Variants in SPAST observed in about 807,000 individuals in gnomAD.
The protein encoded by SPAST is spastin.
In SPAST, 30 loss-of-function variants were observed where a neutral mutation model predicts 76.6. The ratio of observed to expected loss-of-function variants is 0.39; its 90% CI spans 0.29 to 0.53. The LOEUF is 0.53. SPAST is among the 20% of genes least tolerant of loss of function. The pLI, the probability that SPAST is intolerant of heterozygous loss-of-function variation, is 0.68. For synonymous variants in SPAST, 305 were observed against 281.0 expected (o/e 1.09, Z -0.86); for missense variants, 717 against 770.5 (o/e 0.93, Z 0.82).
intron 3 of SPAST, among the ~76,000 whole-genome samples, chr2:32,096,630 C>G (rs1677925830): frequency 6.6e-6 from 1 of 152,006 alleles, no homozygotes; most frequent in African/African-American, 2.4e-5. Flanking sequence ...AATCCTATAG[C>G]TTTTTATTCC....
At chr2:32,132,812 A>G (rs1679414512) in intron 9 of SPAST, among the ~76,000 whole-genome samples, 1 of 152,174 alleles carries the variant, frequency 6.6e-6, no homozygotes, top group Admixed American at 6.5e-5. Flanking sequence ...CAGCCTGATT[A>G]ACATGGAGAA....
intron 1 of SPAST, among the ~76,000 whole-genome samples, 159 bp downstream of exon 1, chr2:32,064,405 A>G (rs1558606514): frequency 6.6e-6 from 1 of 152,142 alleles, no homozygotes; most frequent in Non-Finnish European, 1.5e-5. Flanking sequence ...TCGGAGCCTC[A>G]TCTTCTAGTA....
At chr2:32,116,897 GC>G (rs1316806412) in intron 7 of SPAST, among the ~76,000 whole-genome samples, 1 of 152,116 alleles carries the variant, frequency 6.6e-6, no homozygotes, top group Non-Finnish European at 1.5e-5. Context: ...GAACCAGGAG[GC>G]AGAGGTTGCA....
chr2:32,154,315 C>T (rs1201838662), intron 16 of SPAST, 59 bp from the exon 17 acceptor site: 34 of 1,470,340 alleles, frequency 2.3e-5, no homozygotes, highest in East Asian at 4.5e-5. Flanking sequence ...TCCATCATTT[C>T]GTTAACCACC....
chr2:32,152,439 G>A lies in SPAST; in HGVS notation c.1729-1935G>A, dbSNP rs556323336. On this transcript the variant is annotated intron_variant, in intron 16 of 16. Transcript: ENST00000315285. Reference sequence around the variant, plus strand: ...CAAAAAGTTAGCTGGGCGTGGTGGCGCACACCTATAGTCCTAGCTACTTGG... The same window carrying A: ...CAAAAAGTTAGCTGGGCGTGGTGGCACACACCTATAGTCCTAGCTACTTGG... Among the ~76,000 whole-genome samples the A allele has an allele frequency of 3.9e-5, 6 of 152,048 alleles. 1 individual carries two copies. The South Asian group carries it at 1.0e-3, about 26-fold the overall frequency.
chr2:32,136,033 G>A (rs1289013187), intron 9 of SPAST, among the ~76,000 whole-genome samples: 6 of 149,256 alleles, frequency 4.0e-5, no homozygotes, highest in Non-Finnish European at 8.9e-5. Flanking sequence ...AGCCGAGATT[G>A]CACCACTGCA....
At position 32,147,262 on chromosome 2, in the gene SPAST, T is replaced by C. The variant is rs1240584183; in HGVS notation, c.1728+4T>C. 7 of 1,593,130 alleles carry C rather than the reference T, an allele frequency of 4.4e-6. No homozygotes were observed. The highest frequency in any genetic ancestry group is 3.3e-5 in the Admixed American group (2 of 59,944). Reference sequence around the variant, plus strand: ...GAAGAATATGTCTGCCAGTGAGGTATAGTATTTTACAATGATATTTTCTTT... The same window carrying C: ...GAAGAATATGTCTGCCAGTGAGGTACAGTATTTTACAATGATATTTTCTTT... On this transcript the variant is annotated splice_donor_region_variant and intron_variant, in intron 16 of 16. Transcript: ENST00000315285.
At chr2:32,075,362 C>G (rs1573046652) in intron 1 of SPAST, among the ~76,000 whole-genome samples, 1 of 143,198 alleles carries the variant, frequency 7.0e-6, no homozygotes, top group Non-Finnish European at 1.5e-5. Context: ...GGAGACAGAG[C>G]TTGCAGTGAG....
intron 5 of SPAST, 68 bp from the exon 6 acceptor site, chr2:32,115,631 AAGG>A (rs1678798515): frequency 8.4e-6 from 10 of 1,187,526 alleles, no homozygotes; most frequent in Non-Finnish European, 1.1e-5. Flanking sequence ...TGTGAACTTT[AAGG>A]TTAACTTATT....
At chr2:32,083,776 A>ATTTTTT (rs1178658126) in intron 1 of SPAST, among the ~76,000 whole-genome samples, 3 of 46,068 alleles carry the variant, frequency 6.5e-5, no homozygotes, top group African/African-American at 1.8e-4. Flanking sequence ...ATATATATAT[A>ATTTTTT]TTTTTTTTTT....
rs182715753 is a variant in SPAST at position 32,126,080 on chromosome 2, C to T, written c.1099-868C>T. ...AAAGTGCTGGGATTACAGGCGTGAG[C>T]CACTGTAAGCCACCGTGCCCGGCCA... On this transcript the variant is annotated intron_variant, in intron 7 of 16. Coordinates refer to ENST00000315285, the MANE Select transcript of SPAST (RefSeq NM_014946.4). Among the ~76,000 whole-genome samples, 150 of 152,306 alleles carry T rather than the reference C, an allele frequency of 9.8e-4. 1 individual carries two copies. Among genetic ancestry groups the T allele is most frequent in the African/African-American group, 3.6e-3 (148 of 41,562 alleles).
At chr2:32,122,089 C>G (rs1365442108) in intron 7 of SPAST, among the ~76,000 whole-genome samples, 7 of 152,186 alleles carry the variant, frequency 4.6e-5, no homozygotes, top group Non-Finnish European at 1.0e-4. Context: ...ATAGTGAGAG[C>G]CCATTAATCA....
At chr2:32,080,817 TG>T (rs1407150122) in intron 1 of SPAST, among the ~76,000 whole-genome samples, 1 of 125,068 alleles carries the variant, frequency 8.0e-6, no homozygotes, top group Non-Finnish European at 1.6e-5. Flanking sequence ...TTTTTTGAGA[TG>T]GAGTCTCACT....
intron 4 of SPAST, among the ~76,000 whole-genome samples, chr2:32,102,459 A>C (rs1299229779): frequency 1.3e-5 from 2 of 152,092 alleles, no homozygotes; most frequent in Non-Finnish European, 2.9e-5. Context: ...GATACCCTTT[A>C]TTTCTTTCTC....
intron 1 of SPAST, among the ~76,000 whole-genome samples, chr2:32,073,029 C>CA (rs1558612862): frequency 6.6e-6 from 1 of 152,106 alleles, no homozygotes; most frequent in East Asian, 1.9e-4. Context: ...ACCAAAGACA[C>CA]AAAAAAGCAG....
chr2:32,146,349 A>T (rs1416395578), intron 15 of SPAST, among the ~76,000 whole-genome samples: 1 of 151,004 alleles, frequency 6.6e-6, no homozygotes, highest in Non-Finnish European at 1.5e-5. Flanking sequence ...GTGTGGGCCT[A>T]ATAGTTTGAG....
chr2:32,128,905 TGTC>T (rs1324125033), intron 9 of SPAST: 1 of 224,568 alleles, frequency 4.5e-6, no homozygotes, highest in Non-Finnish European at 9.0e-6. Flanking sequence ...CTCCTATCTC[TGTC>T]TTTATCTTTA....
intron 3 of SPAST, 126 bp downstream of exon 3, chr2:32,089,731 C>T (rs546172065): frequency 4.4e-5 from 29 of 659,722 alleles, no homozygotes; most frequent in African/African-American, 3.3e-4. Context: ...ATAAAGAAAA[C>T]GTATAACATA....
rs1679463623 is a variant in SPAST, at chr2:32,134,282, C to T, written c.1246-2281C>T. ...CTTTGGGAGGCCGAGGCAGGCGAAT[C>T]ACAAGGTCAGGAGTTCGAGACCAGC... On this transcript the variant is annotated intron_variant, in intron 9 of 16. Coordinates refer to ENST00000315285, the MANE Select transcript of SPAST (RefSeq NM_014946.4). Among the ~76,000 whole-genome samples the T allele has an allele frequency of 2.0e-5, 3 of 152,096 alleles. No individual in the cohort carries two copies. In the South Asian group the frequency reaches 6.2e-4, roughly 32 times the overall value.
Sources: gnomAD v4.1 joint callset for allele counts (sites outside exome capture counted in the v4.1 genomes callset) on GRCh38, gnomAD v4.1.1 for gene constraint, MANE v1.5 for transcripts, NCBI Gene and HGNC (gene_info 2026-07-23, HGNC 2026-07-21) for gene names.